The following PRKG1 variants were observed in gnomAD, a reference collection of about 807,000 sequenced individuals.
The protein encoded by PRKG1 is cGMP-dependent protein kinase 1.
Under a neutral mutation model 88.1 loss-of-function variants are expected in PRKG1, and 35 were observed. That is an observed-to-expected ratio of 0.40 (90% CI 0.30 to 0.53). PRKG1 has a LOEUF of 0.53. Among genes scored for constraint, PRKG1 ranks in the 20% least tolerant of loss-of-function variants. The pLI is 0.59. For missense variants in PRKG1, 540 were observed against 839.8 expected, an observed-to-expected ratio of 0.64 and a Z score of 4.41; for synonymous variants, 303 against 292.5, an observed-to-expected ratio of 1.04 and a Z score of -0.37.
intron 5 of PRKG1, among the ~76,000 whole-genome samples, chr10:52,032,703 G>A (rs10762542): frequency 0.58 from 88,143 of 151,834 alleles, 25,842 homozygotes; most frequent in African/African-American, 0.65. Flanking sequence ...TGTGGTCTCA[G>A]CCTCCTTGTG....
At position 51,341,508 on chromosome 10, in the gene PRKG1, T is replaced by G. The variant is rs1842003315; in HGVS notation, c.479-126215T>G. Among the ~76,000 whole-genome samples, 5 of 152,304 alleles carry G rather than the reference T, an allele frequency of 3.3e-5. No homozygotes were observed. In the South Asian group the frequency reaches 1.0e-3, roughly 32 times the overall value. ...TAAGGATCCCTAACTTCTCTTGTCTTCCCTAAGGCAAGTGTTATGGCTGGG... is the reference window on the plus strand; with the variant it reads ...TAAGGATCCCTAACTTCTCTTGTCTGCCCTAAGGCAAGTGTTATGGCTGGG... On this transcript the variant is annotated intron_variant, in intron 2 of 17. Transcript: ENST00000373980.
At chr10:52,213,008 T>C (rs1840019556) in intron 9 of PRKG1, among the ~76,000 whole-genome samples, 1 of 152,162 alleles carries the variant, frequency 6.6e-6, no homozygotes, top group African/African-American at 2.4e-5. Context: ...TGATAACCAC[T>C]GCGTACATGA....
At chr10:51,758,229 C>A (rs1301966480) in intron 3 of PRKG1, among the ~76,000 whole-genome samples, 1 of 152,016 alleles carries the variant, frequency 6.6e-6, no homozygotes, top group African/African-American at 2.4e-5. Context: ...CAGACTGTTC[C>A]AATGGTGGGT....
intron 9 of PRKG1, among the ~76,000 whole-genome samples, chr10:52,200,656 C>A (rs1169407489): frequency 6.6e-6 from 1 of 152,210 alleles, no homozygotes; most frequent in Non-Finnish European, 1.5e-5. Flanking sequence ...AATGGCTTAA[C>A]TAATTAACAT....
chr10:52,218,320 G>A (rs1416065351), intron 9 of PRKG1, among the ~76,000 whole-genome samples: 1 of 151,896 alleles, frequency 6.6e-6, no homozygotes, highest in Non-Finnish European at 1.5e-5. Flanking sequence ...CATCAAAGGG[G>A]CTGCTCTTTT....
intron 4 of PRKG1, among the ~76,000 whole-genome samples, chr10:51,808,173 A>T (rs1195147133): frequency 1.3e-5 from 2 of 152,162 alleles, no homozygotes; most frequent in South Asian, 4.1e-4. Context: ...GTTGCTTTTT[A>T]AAAAATTGCC....
intron 1 of PRKG1, among the ~76,000 whole-genome samples, chr10:51,115,579 C>A (rs985733686): frequency 2.7e-5 from 4 of 148,724 alleles, no homozygotes; most frequent in African/African-American, 9.9e-5. Context: ...GTGGCTCATG[C>A]CTGTAATCCC....
intron 9 of PRKG1, among the ~76,000 whole-genome samples, chr10:52,226,501 T>C (rs1840391888): frequency 1.3e-5 from 2 of 151,962 alleles, no homozygotes; most frequent in Admixed American, 1.3e-4. Flanking sequence ...AGGTGATGTT[T>C]TACCAACTTT....
intron 2 of PRKG1, chr10:51,306,836 T>C (rs1215627066): frequency 1.3e-5 from 2 of 152,192 alleles, no homozygotes; most frequent in African/African-American, 4.8e-5. Context: ...CCCTCAAAAC[T>C]CCTCTAAGGA....
chr10:51,706,794 T>C (rs376542834), intron 3 of PRKG1, among the ~76,000 whole-genome samples: 72 of 152,316 alleles, frequency 4.7e-4, no homozygotes, highest in African/African-American at 1.7e-3. Context: ...TGTGGTTCCA[T>C]TTCCACATCT....
intron 4 of PRKG1, among the ~76,000 whole-genome samples, chr10:51,875,520 G>C (rs1181045148): frequency 6.6e-6 from 1 of 152,048 alleles, no homozygotes; most frequent in Non-Finnish European, 1.5e-5. Flanking sequence ...AGATTCTCCA[G>C]CTTCAGCCTC....
In PRKG1 at chr10:51,298,712, C is replaced by A. The variant is rs534318609; in HGVS notation, c.478+145382C>A. Among the ~76,000 whole-genome samples the A allele has an allele frequency of 1.1e-4, 16 of 152,074 alleles. No homozygotes were observed. The South Asian group carries it at 2.1e-3, about 20-fold the overall frequency. On this transcript the variant is annotated intron_variant, in intron 2 of 17. Transcript: ENST00000373980. ...ATTAGATGGATGAAAGAATATCATG[C>A]CGATAGAATTAAAAATTGTTAGGTT...
At chr10:52,210,736 A>C (rs1304989811) in intron 9 of PRKG1, among the ~76,000 whole-genome samples, 1 of 152,186 alleles carries the variant, frequency 6.6e-6, no homozygotes, top group Non-Finnish European at 1.5e-5. Flanking sequence ...GTCAATAAGG[A>C]GGCTCACTCA....
intron 9 of PRKG1, among the ~76,000 whole-genome samples, chr10:52,204,609 T>G (rs1839767092): frequency 6.6e-6 from 1 of 152,204 alleles, no homozygotes; most frequent in Non-Finnish European, 1.5e-5. Flanking sequence ...TCATGGACAT[T>G]TATCACTTCC....
chr10:51,352,999 A>G (rs1377759641), intron 2 of PRKG1, among the ~76,000 whole-genome samples: 2 of 152,188 alleles, frequency 1.3e-5, no homozygotes, highest in Non-Finnish European at 1.5e-5. Context: ...CCACACATCT[A>G]CAGTGAACTA....
chr10:51,629,662 G>C (rs952519640), intron 3 of PRKG1, among the ~76,000 whole-genome samples: 4 of 152,128 alleles, frequency 2.6e-5, no homozygotes, highest in African/African-American at 9.7e-5. Context: ...GTTTGAAGTT[G>C]TCTCAAACAT....
At chr10:52,079,732 A>G (rs1301593321) in intron 7 of PRKG1, among the ~76,000 whole-genome samples, 1 of 152,192 alleles carries the variant, frequency 6.6e-6, no homozygotes, top group African/African-American at 2.4e-5. Context: ...AGGGTCACCT[A>G]TTGCCATATG....
chr10:52,116,033 G>A (rs147412051), intron 7 of PRKG1, among the ~76,000 whole-genome samples: 220 of 152,166 alleles, frequency 1.4e-3, no homozygotes, highest in African/African-American at 4.6e-3. Context: ...AAAAAAAGAG[G>A]TGCCATGCAG....
chr10:52,049,388 A>G (rs1178029439), intron 5 of PRKG1, among the ~76,000 whole-genome samples: 1 of 152,188 alleles, frequency 6.6e-6, no homozygotes, highest in African/African-American at 2.4e-5. Context: ...AAACAGAATC[A>G]CAAGAGTGAT....
Sources: allele counts gnomAD v4.1 joint callset (sites outside exome capture counted in the v4.1 genomes callset), GRCh38; gene constraint gnomAD v4.1.1; transcripts MANE v1.5; gene names NCBI Gene and HGNC (gene_info 2026-07-23, HGNC 2026-07-21).